Variants in SLC10A2 observed in about 807,000 individuals in gnomAD.
The protein encoded by SLC10A2 is solute carrier family 10 member 2.
A neutral mutation model predicts 27.1 loss-of-function variants in SLC10A2; 34 were observed. The observed-to-expected ratio is 1.26, with a 90% CI of 0.96 to 1.67. The LOEUF is 1.67. Among genes scored for constraint, SLC10A2 ranks in the 40% most tolerant of loss-of-function variants. SLC10A2 has a pLI of 0.00. For missense variants in SLC10A2, 530 were observed against 444.4 expected (o/e 1.19, Z -1.73); for synonymous variants, 205 against 174.0 (o/e 1.18, Z -1.40).
chr13:103,063,321 A>G, intron 1 of SLC10A2, among the ~76,000 whole-genome samples: 1 of 152,220 alleles, frequency 6.6e-6, no homozygotes, highest in Non-Finnish European at 1.5e-5. Flanking sequence ...CCCAAGAACC[A>G]TAACCAAGAG....
At chr13:103,055,015 A>G (rs1415224572) in intron 2 of SLC10A2, among the ~76,000 whole-genome samples, 1 of 152,194 alleles carries the variant, frequency 6.6e-6, no homozygotes, top group African/African-American at 2.4e-5. Flanking sequence ...AGAAAGGTAG[A>G]AAGAAGAATG....
At chr13:103,053,094 GTGTGTGT>G (rs1875836573) in intron 2 of SLC10A2, among the ~76,000 whole-genome samples, 3 of 124,976 alleles carry the variant, frequency 2.4e-5, no homozygotes, top group Non-Finnish European at 5.1e-5. Context: ...GTGTGTGTGT[GTGTGTGT>G]GTGTGTGTGT....
intron 2 of SLC10A2, among the ~76,000 whole-genome samples, chr13:103,055,771 C>T (rs1018882790): frequency 4.6e-5 from 7 of 152,156 alleles, no homozygotes; most frequent in Non-Finnish European, 1.0e-4. Flanking sequence ...GCTAGTAACT[C>T]TTTGTTAAGC....
intron 1 of SLC10A2, among the ~76,000 whole-genome samples, chr13:103,059,529 G>C (rs1175723929): frequency 6.6e-6 from 1 of 152,170 alleles, no homozygotes; most frequent in Non-Finnish European, 1.5e-5. Flanking sequence ...GCCTGGCCTT[G>C]AGCAAAATGG....
intron 3 of SLC10A2, among the ~76,000 whole-genome samples, chr13:103,052,045 C>A (rs748032145): frequency 9.2e-5 from 14 of 152,162 alleles, no homozygotes; most frequent in Non-Finnish European, 1.6e-4. Flanking sequence ...CCCCGAGCAG[C>A]AGAATCTATC....
chr13:103,052,466 G>A (rs1875812768), intron 3 of SLC10A2, among the ~76,000 whole-genome samples, 154 bp downstream of exon 3: 1 of 151,874 alleles, frequency 6.6e-6, no homozygotes. Flanking sequence ...ATATAAAGAA[G>A]GACATTCTAA....
chr13:103,051,164 C>T, intron 4 of SLC10A2, 93 bp downstream of exon 4: 1 of 1,249,246 alleles, frequency 8.0e-7, no homozygotes, highest in Non-Finnish European at 1.2e-6. Context: ...TTAAGCCACT[C>T]AGTTTGTGGT....
At chr13:103,056,444 T>C (rs944452183) in intron 2 of SLC10A2, among the ~76,000 whole-genome samples, 1 of 152,178 alleles carries the variant, frequency 6.6e-6, no homozygotes, top group Admixed American at 6.5e-5. Context: ...CAGAATATGG[T>C]ATAAGTCATT....
chr13:103,056,630 CACGT>C (rs1183046859), intron 2 of SLC10A2, among the ~76,000 whole-genome samples: 3 of 152,152 alleles, frequency 2.0e-5, no homozygotes, highest in Admixed American at 1.3e-4. Flanking sequence ...GGTCACCACT[CACGT>C]AAACTATGGT....
In SLC10A2 at chr13:103,049,258, A is replaced by G. The variant is rs199551392; in HGVS notation, c.919+31T>C. 2.1e-4 allele frequency: 338 copies of G among 1,611,994 alleles called. No individual in the cohort carries two copies. The African/African-American group carries it at 3.9e-3, about 19-fold the overall frequency. ...GCAACTCCAGGATTTTTCAAAGATT[A>G]TCATGAAATGGGATTGGCATGATTC... On this transcript the variant is annotated intron_variant, in intron 5 of 5. Coordinates refer to ENST00000245312, the MANE Select transcript of SLC10A2 (RefSeq NM_000452.3).
chr13:103,054,800 T>C (rs891988560), intron 2 of SLC10A2, among the ~76,000 whole-genome samples: 5 of 151,954 alleles, frequency 3.3e-5, no homozygotes, highest in African/African-American at 9.7e-5. Context: ...CTTGTAGAGG[T>C]GGATGTTGTA....
chr13:103,065,771 CT>C (rs764142047), intron 1 of SLC10A2, 101 bp downstream of exon 1: 40 of 1,352,932 alleles, frequency 3.0e-5, no homozygotes, highest in Non-Finnish European at 4.0e-5. Flanking sequence ...CTTAGTCATA[CT>C]TTAGATGCGT....
In SLC10A2 at chr13:103,051,422, A is replaced by T. The variant is rs1028585453; in HGVS notation, c.596T>A (p.Ile199Asn). 2 of 1,613,878 alleles carry T rather than the reference A, an allele frequency of 1.2e-6. No homozygotes were observed. Among genetic ancestry groups the T allele is most frequent in the South Asian group, 2.2e-5 (2 of 91,068 alleles). ...GAGCACAATGAGGATGGCGCCCGCGATGGACCCAATCTGAAAAAAAAAGGA... is the reference window on the plus strand; with the variant it reads ...GAGCACAATGAGGATGGCGCCCGCGTTGGACCCAATCTGAAAAAAAAAGGA... Reference protein sequence around the residue: ...KAKIILKIGSIAGAILIVLIA... With the variant: ...KAKIILKIGSNAGAILIVLIA... The change falls in exon 4 of 6, where the codon ATC becomes AAC. Residue 199 changes from isoleucine to asparagine, a missense_variant. Ile to Asn is a moderately radical substitution (Grantham distance 149). Coordinates refer to ENST00000245312, the MANE Select transcript of SLC10A2 (RefSeq NM_000452.3).
At chr13:103,049,553 T>C (rs1321803734) in intron 4 of SLC10A2, 107 bp from the exon 5 acceptor site, 3 of 1,100,394 alleles carry the variant, frequency 2.7e-6, no homozygotes, top group Non-Finnish European at 2.7e-6. Context: ...TCTCTGCTTT[T>C]AATGCATGTA....
intron 5 of SLC10A2, among the ~76,000 whole-genome samples, chr13:103,048,265 C>A (rs1422242777): frequency 6.6e-6 from 1 of 151,904 alleles, no homozygotes; most frequent in African/African-American, 2.4e-5. Context: ...GTGGCGGGCA[C>A]CTGTAGTCCC....
chr13:103,065,920 A>G lies in SLC10A2; in HGVS notation c.330T>C (p.Thr110=), dbSNP rs1378684570. 1 of 1,614,226 alleles carries G rather than the reference A, an allele frequency of 6.2e-7. No individual in the cohort carries two copies. Among genetic ancestry groups the G allele is most frequent in the Admixed American group, 1.7e-5 (1 of 60,030 alleles). Reference sequence around the variant, plus strand: ...CCCAATAGGCCAAGATATTGGAGGCAGTTCCTCCAGGGCAGCATCCTATAA... The same window carrying G: ...CCCAATAGGCCAAGATATTGGAGGCGGTTCCTCCAGGGCAGCATCCTATAA... The part of the protein sequence containing the change: ...VLIIGCCPGG[T]ASNILAYWVD... The change falls in exon 1 of 6, where the codon ACT becomes ACC. Residue 110 remains threonine (T), a synonymous_variant. Coordinates refer to ENST00000245312, the MANE Select transcript of SLC10A2 (RefSeq NM_000452.3).
intron 2 of SLC10A2, among the ~76,000 whole-genome samples, chr13:103,053,124 G>A (rs1488796350): frequency 8.0e-6 from 1 of 124,264 alleles, no homozygotes; most frequent in Non-Finnish European, 1.7e-5. Flanking sequence ...GTGTGTGTGT[G>A]TGTATGGCAT....
At chr13:103,053,495 T>C in intron 2 of SLC10A2, among the ~76,000 whole-genome samples, 1 of 152,240 alleles carries the variant, frequency 6.6e-6, no homozygotes, top group East Asian at 1.9e-4. Flanking sequence ...CTCCATGTTA[T>C]TTAACACTCA....
chr13:103,052,756 G>A (rs1388591639), intron 2 of SLC10A2, 48 bp from the exon 3 acceptor site: 1 of 1,178,860 alleles, frequency 8.5e-7, no homozygotes, highest in South Asian at 1.2e-5. Context: ...GGTGACACAG[G>A]AAAGAGAAAA....
Sources: gnomAD v4.1 joint callset for allele counts (sites outside exome capture counted in the v4.1 genomes callset) on GRCh38, gnomAD v4.1.1 for gene constraint, MANE v1.5 for transcripts, NCBI Gene and HGNC (gene_info 2026-07-23, HGNC 2026-07-21) for gene names.